Variants in PTPRO observed in about 807,000 individuals in gnomAD.
PTPRO encodes receptor-type tyrosine-protein phosphatase O.
PTPRO carries 62 observed loss-of-function variants against 145.2 expected under a neutral mutation model. The observed-to-expected ratio is 0.43, with a 90% confidence interval of 0.35 to 0.53. PTPRO has a LOEUF of 0.53. Among genes scored for constraint, PTPRO ranks in the 20% least tolerant of loss-of-function variants. PTPRO has a pLI of 0.01. For missense variants in PTPRO, 1,345 were observed against 1,482.7 expected (o/e 0.91, Z 1.53); for synonymous variants, 565 against 514.7 (o/e 1.10, Z -1.32).
chr12:15,560,239 T>C lies in PTPRO; in HGVS notation c.2674T>C (p.Trp892Arg), dbSNP rs772928257. 1.4e-5 allele frequency: 22 copies of C among 1,595,752 alleles called. No individual in the cohort carries two copies. Among genetic ancestry groups the C allele is most frequent in the Admixed American group, 3.3e-5 (2 of 59,962 alleles). The change falls in exon 17 of 27, where the codon TGG becomes CGG. Residue 892 changes from tryptophan (W) to arginine (R), a missense_variant. Physicochemically the swap from Trp to Arg is moderately radical, Grantham distance 101. This residue lies in a region of PTPRO where 1,130 missense variants were observed against 1,214.7 expected (regional missense o/e 0.93). Coordinates refer to ENST00000281171, the MANE Select transcript of PTPRO (RefSeq NM_030667.3). The part of the protein sequence containing the change: ...AFLTLLPSCL[W>R]TDYLLAFYIN... Reference sequence around the variant, plus strand: ...CTTAACCCTGCTACCCTCATGTCTTTGGACTGATTATCTTTTGGCATTTTA... The same window carrying C: ...CTTAACCCTGCTACCCTCATGTCTTCGGACTGATTATCTTTTGGCATTTTA...
rs143820452 is a variant in PTPRO at position 15,370,344 on chromosome 12, AT to A, written c.75+47544del. Among the ~76,000 whole-genome samples the A allele has an allele frequency of 6.6e-3, 1,003 of 152,346 alleles. 85 individuals carry two copies. In the East Asian group the frequency reaches 0.18, roughly 27 times the overall value. ...ATACAGCTGTTAATACCAATTTCACATCTGTCATAACCAATTCAGTGAAAAC... is the reference window on the plus strand; with the variant it reads ...ATACAGCTGTTAATACCAATTTCACACTGTCATAACCAATTCAGTGAAAAC... On this transcript the variant is annotated intron_variant, in intron 1 of 26. Transcript: ENST00000281171.
In PTPRO at chr12:15,586,881, G is replaced by A; in HGVS notation, c.3256-16G>A. ...ACTGAAAAATTAATGCTTGTTTTTG[G>A]CTTTTTTCTCTAAAGGCTGACGAGA... On this transcript the variant is annotated splice_polypyrimidine_tract_variant and intron_variant, in intron 23 of 26. Coordinates refer to ENST00000281171, the MANE Select transcript of PTPRO (RefSeq NM_030667.3). 6.2e-7 allele frequency: 1 copy of A among 1,613,846 alleles called. No homozygotes were observed. Among genetic ancestry groups the A allele is most frequent in the Non-Finnish European group, 8.5e-7 (1 of 1,179,900 alleles).
chr12:15,422,109 C>T (rs1009246430), intron 1 of PTPRO, among the ~76,000 whole-genome samples: 1 of 151,758 alleles, frequency 6.6e-6, no homozygotes, highest in African/African-American at 2.4e-5. Flanking sequence ...GCAGCAATTC[C>T]AAAATAACTT....
At chr12:15,332,999 A>G (rs1431234021) in intron 1 of PTPRO, among the ~76,000 whole-genome samples, 1 of 152,144 alleles carries the variant, frequency 6.6e-6, no homozygotes, top group African/African-American at 2.4e-5. Flanking sequence ...ACTTTAAGCT[A>G]TTTACACCAG....
intron 19 of PTPRO, among the ~76,000 whole-genome samples, chr12:15,570,547 GA>G (rs532838463): frequency 1.9e-3 from 286 of 152,242 alleles, no homozygotes; most frequent in African/African-American, 6.7e-3. Flanking sequence ...CCTGTGTCCT[GA>G]AAAATTCCAC....
intron 1 of PTPRO, among the ~76,000 whole-genome samples, chr12:15,393,975 C>CTT (rs995250638): frequency 1.3e-5 from 2 of 152,104 alleles, no homozygotes. Context: ...GCCTATCTGG[C>CTT]TTTTTATAAC....
intron 12 of PTPRO, among the ~76,000 whole-genome samples, chr12:15,526,705 C>CA (rs1942846904): frequency 6.6e-6 from 1 of 151,710 alleles, no homozygotes; most frequent in Non-Finnish European, 1.5e-5. Flanking sequence ...AAAATCAAGA[C>CA]AAAAAGAAAC....
At chr12:15,495,253 TTCA>T (rs1942076947) in intron 2 of PTPRO, among the ~76,000 whole-genome samples, 1 of 151,560 alleles carries the variant, frequency 6.6e-6, no homozygotes, top group Admixed American at 6.6e-5. Context: ...GATGCTGTTT[TTCA>T]GAAAACTCCA....
At chr12:15,356,445 G>A (rs1937991153) in intron 1 of PTPRO, among the ~76,000 whole-genome samples, 1 of 151,822 alleles carries the variant, frequency 6.6e-6, no homozygotes, top group Non-Finnish European at 1.5e-5. Context: ...TGATTTTTCT[G>A]TTTTGATAAC....
At chr12:15,405,833 T>G (rs1439231807) in intron 1 of PTPRO, among the ~76,000 whole-genome samples, 3 of 152,162 alleles carry the variant, frequency 2.0e-5, no homozygotes, top group African/African-American at 7.2e-5. Context: ...TCGAGAGTGA[T>G]GGACCAATAC....
intron 1 of PTPRO, among the ~76,000 whole-genome samples, chr12:15,402,487 A>T (rs566496088): frequency 6.6e-6 from 1 of 152,242 alleles, no homozygotes; most frequent in African/African-American, 2.4e-5. Context: ...CAACTACAAA[A>T]TTCTGATGAT....
At chr12:15,465,893 GA>G (rs907240728) in intron 1 of PTPRO, among the ~76,000 whole-genome samples, 60 of 152,268 alleles carry the variant, frequency 3.9e-4, no homozygotes, top group African/African-American at 1.4e-3. Context: ...TAATGAATAA[GA>G]AACCCCATGG....
intron 1 of PTPRO, among the ~76,000 whole-genome samples, chr12:15,400,644 T>G (rs1939467274): frequency 6.6e-6 from 1 of 152,252 alleles, no homozygotes; most frequent in Non-Finnish European, 1.5e-5. Flanking sequence ...ATTTCCATTG[T>G]GCAAAGTACC....
Position 15,322,682 on chromosome 12 carries a change from A to T in PTPRO, c.-45A>T. 6.5e-7 allele frequency: 1 copy of T among 1,537,098 alleles called. No individual in the cohort carries two copies. The highest frequency in any genetic ancestry group is 1.2e-5 in the South Asian group (1 of 86,390). ...CGCCATTGTGAGCCGCCGCCGGGGG[A>T]GTCCGCTAGCGCAGCCGTGCCCCCG... On this transcript the variant is annotated 5_prime_UTR_variant, in exon 1 of 27. Transcript: ENST00000281171. This position sits in a 1 kb window ranked among gnomAD's most constrained non-coding sequence, Gnocchi z 6.3.
At chr12:15,375,679 C>G (rs1452432543) in intron 1 of PTPRO, among the ~76,000 whole-genome samples, 1 of 149,572 alleles carries the variant, frequency 6.7e-6, no homozygotes, top group African/African-American at 2.5e-5. Flanking sequence ...TCACTTGAAC[C>G]TGGGAGGCAG....
chr12:15,586,778 T>G, intron 23 of PTPRO, 119 bp from the exon 24 acceptor site: 3 of 1,097,948 alleles, frequency 2.7e-6, no homozygotes, highest in Non-Finnish European at 4.1e-6. Context: ...GAAAGGAAAG[T>G]GTACTGACCA....
chr12:15,322,585 G>C lies in PTPRO; in HGVS notation c.-142G>C, dbSNP rs544374940. On this transcript the variant is annotated 5_prime_UTR_variant, in exon 1 of 27. Coordinates refer to ENST00000281171, the MANE Select transcript of PTPRO (RefSeq NM_030667.3). This position sits in a 1 kb window ranked among gnomAD's most constrained non-coding sequence, Gnocchi z 6.3. Reference sequence around the variant, plus strand: ...GAGGAGGAAAGGGAGCAGGCGCAGGGGGACTGGAAAGGCAGCATGCGCTCG... The same window carrying C: ...GAGGAGGAAAGGGAGCAGGCGCAGGCGGACTGGAAAGGCAGCATGCGCTCG... 6.9e-6 allele frequency: 5 copies of C among 725,610 alleles called. No individual in the cohort carries two copies. The East Asian group carries it at 8.1e-5, about 12-fold the overall frequency. 44.9% of individuals were successfully genotyped at this position (725,610 alleles called of 1,614,324 possible).
intron 13 of PTPRO, among the ~76,000 whole-genome samples, chr12:15,548,764 A>G (rs1418694431): frequency 6.6e-6 from 1 of 152,210 alleles, no homozygotes; most frequent in Non-Finnish European, 1.5e-5. Context: ...GCACCAAAAT[A>G]TATTGATAGC....
intron 12 of PTPRO, among the ~76,000 whole-genome samples, chr12:15,528,564 A>G (rs1942893167): frequency 6.6e-6 from 1 of 151,950 alleles, no homozygotes; most frequent in Admixed American, 6.6e-5. Flanking sequence ...AAGATCAAAC[A>G]TAAGAATTAT....
Sources: gnomAD v4.1 joint callset for allele counts (sites outside exome capture counted in the v4.1 genomes callset) on GRCh38, gnomAD v4.1.1 for gene constraint, gnomAD v4.1.1 regional missense constraint, Gnocchi (gnomAD v3.1) non-coding constraint, MANE v1.5 for transcripts, NCBI Gene and HGNC (gene_info 2026-07-23, HGNC 2026-07-21) for gene names.